The following ZNF407 variants were observed in gnomAD, a reference collection of about 807,000 sequenced individuals.
ZNF407 encodes zinc finger protein 407.
In ZNF407, 17 loss-of-function variants were observed where a neutral mutation model predicts 131.2. The ratio of observed to expected loss-of-function variants is 0.13; its 90% CI spans 0.09 to 0.19. The LOEUF (loss-of-function observed/expected upper bound fraction) is 0.19. ZNF407 is among the 10% of genes least tolerant of loss of function. ZNF407 has a pLI of 1.00. For missense variants in ZNF407, 2,681 were observed against 2,830.6 expected (o/e 0.95, Z 1.20); for synonymous variants, 1,156 against 1,062.0 (o/e 1.09, Z -1.72).
intron 4 of ZNF407, among the ~76,000 whole-genome samples, chr18:74,793,967 C>T (rs773344023): frequency 5.3e-5 from 8 of 152,202 alleles, no homozygotes; most frequent in Non-Finnish European, 1.0e-4. Context: ...AGGGCTTCAT[C>T]AAGCTCCCGC....
chr18:74,736,952 G>A (rs1473573473), intron 3 of ZNF407, among the ~76,000 whole-genome samples: 2 of 152,140 alleles, frequency 1.3e-5, no homozygotes, highest in Non-Finnish European at 2.9e-5. Flanking sequence ...AGCAGTGACT[G>A]TAATCTTTTG....
intron 4 of ZNF407, among the ~76,000 whole-genome samples, chr18:74,859,545 G>A (rs143249850): frequency 9.1e-4 from 138 of 152,314 alleles, no homozygotes; most frequent in African/African-American, 3.1e-3. Context: ...ATTTTTGTAG[G>A]AAAGTAGAAA....
intron 6 of ZNF407, among the ~76,000 whole-genome samples, chr18:74,887,238 T>G (rs1346991543): frequency 6.6e-6 from 1 of 152,076 alleles, no homozygotes; most frequent in East Asian, 1.9e-4. Flanking sequence ...TAAAAGTAAA[T>G]TTTTGTGTAA....
chr18:74,720,063 TGA>T (rs1418966834), intron 3 of ZNF407, among the ~76,000 whole-genome samples: 1 of 152,198 alleles, frequency 6.6e-6, no homozygotes, highest in African/African-American at 2.4e-5. Flanking sequence ...ATTTTTTTTT[TGA>T]AGAAGAAGAA....
At chr18:74,959,457 C>A (rs1568283337) in intron 8 of ZNF407, among the ~76,000 whole-genome samples, 1 of 152,180 alleles carries the variant, frequency 6.6e-6, no homozygotes, top group Non-Finnish European at 1.5e-5. Flanking sequence ...TTTTAACTTG[C>A]ATGCAACCAT....
chr18:75,002,211 T>C (rs1429897520), intron 8 of ZNF407, among the ~76,000 whole-genome samples: 1 of 152,384 alleles, frequency 6.6e-6, no homozygotes, highest in East Asian at 1.9e-4. Flanking sequence ...TTGTATAGTT[T>C]GACTGTTAGA....
intron 1 of ZNF407, among the ~76,000 whole-genome samples, chr18:74,606,029 G>A (rs1246779506): frequency 6.6e-6 from 1 of 152,202 alleles, no homozygotes; most frequent in Admixed American, 6.5e-5. Context: ...AAGAGGCCAT[G>A]GTTTCACGCC....
rs1162538348 is a variant in ZNF407 at position 74,633,991 on chromosome 18, A to G, written c.2972A>G (p.Gln991Arg). Residue 991 changes from glutamine to arginine, a missense_variant, in exon 2 of 9, where the codon CAA (glutamine) becomes CGA (arginine). Gln to Arg is a conservative substitution (Grantham distance 43). Around this residue, in one of 6 missense-constraint regions of ZNF407, gnomAD observed 1,789 missense variants for 1,748.7 expected, o/e 1.02. Transcript: ENST00000299687. Reference sequence around the variant, plus strand: ...AGCCATCTTCTTGATAAAAAGGAGCAAATATCTTCAGAGCCAGAGGACTTC... The same window carrying G: ...AGCCATCTTCTTGATAAAAAGGAGCGAATATCTTCAGAGCCAGAGGACTTC... ...VNSHLLDKKE[Q>R]ISSEPEDFAQ... The G allele has an allele frequency of 6.2e-7, 1 of 1,614,038 alleles. No individual in the cohort carries two copies. The highest frequency in any genetic ancestry group is 1.7e-5 in the Admixed American group (1 of 60,030).
At chr18:74,617,922 A>G (rs1983384785) in intron 1 of ZNF407, among the ~76,000 whole-genome samples, 1 of 152,014 alleles carries the variant, frequency 6.6e-6, no homozygotes, top group Non-Finnish European at 1.5e-5. Context: ...ATGCTTTTCT[A>G]TCTCCAGCAC....
chr18:74,607,335 C>T lies in ZNF407; in HGVS notation c.-54+9398C>T, dbSNP rs1054222445. Among the ~76,000 whole-genome samples the T allele has an allele frequency of 2.6e-5, 4 of 152,142 alleles. No individual in the cohort carries two copies. The East Asian group carries it at 7.7e-4, about 29-fold the overall frequency. On this transcript the variant is annotated intron_variant, in intron 1 of 8. Transcript: ENST00000299687. ...GTAGCCTCAGCATCACCTGATGTGG[C>T]GTTGATCTCTCAGGCCGCTTGTAAG... is the stretch of plus-strand genomic sequence containing the variant.
At chr18:74,814,752 T>C (rs961164816) in intron 4 of ZNF407, among the ~76,000 whole-genome samples, 5 of 152,196 alleles carry the variant, frequency 3.3e-5, no homozygotes, top group Non-Finnish European at 7.4e-5. Context: ...TAAAATTTTT[T>C]CTCATATAAT....
intron 3 of ZNF407, among the ~76,000 whole-genome samples, chr18:74,642,060 C>A (rs543441599): frequency 1.4e-4 from 22 of 151,840 alleles, no homozygotes; most frequent in African/African-American, 5.1e-4. Flanking sequence ...ATTGATAGTA[C>A]CATGTAAATA....
intron 3 of ZNF407, among the ~76,000 whole-genome samples, chr18:74,716,942 T>C (rs2144859628): frequency 6.6e-6 from 1 of 152,332 alleles, no homozygotes; most frequent in Non-Finnish European, 1.5e-5. Flanking sequence ...CGAACATTCA[T>C]AGAGAAACTG....
intron 8 of ZNF407, among the ~76,000 whole-genome samples, chr18:75,011,281 C>T (rs1008929713): frequency 5.3e-5 from 8 of 152,056 alleles, no homozygotes; most frequent in East Asian, 3.9e-4. Flanking sequence ...CCTTTCTCTG[C>T]GAATAAAAAG....
intron 4 of ZNF407, among the ~76,000 whole-genome samples, chr18:74,866,737 A>G (rs1447288210): frequency 9.3e-5 from 14 of 150,166 alleles, no homozygotes; most frequent in Non-Finnish European, 3.0e-5. Flanking sequence ...TGTTCGGTAG[A>G]AATATTATTT....
At chr18:74,796,171 G>A (rs1214809750) in intron 4 of ZNF407, among the ~76,000 whole-genome samples, 3 of 152,070 alleles carry the variant, frequency 2.0e-5, no homozygotes, top group South Asian at 2.1e-4. Flanking sequence ...TATTTTATTC[G>A]TTCTAGAGAA....
intron 8 of ZNF407, among the ~76,000 whole-genome samples, chr18:74,952,390 G>A (rs1172353610): frequency 6.6e-6 from 1 of 152,164 alleles, no homozygotes; most frequent in Admixed American, 6.5e-5. Context: ...TGGGCACAGG[G>A]AGTTTAGGAA....
intron 3 of ZNF407, among the ~76,000 whole-genome samples, chr18:74,657,836 A>ATTCCTCCCCATCCTCTCC (rs1360538009): frequency 6.7e-6 from 1 of 150,330 alleles, no homozygotes; most frequent in African/African-American, 2.4e-5. Context: ...TGTCCCTGGA[A>ATTCCTCCCCATCCTCTCC]TTCCTCCCCA....
intron 3 of ZNF407, among the ~76,000 whole-genome samples, chr18:74,665,431 T>A (rs1985891314): frequency 6.6e-6 from 1 of 152,174 alleles, no homozygotes; most frequent in Non-Finnish European, 1.5e-5. Flanking sequence ...AGGGAAGCGA[T>A]CACCTTCCTC....
Sources: gnomAD v4.1 joint callset for allele counts (sites outside exome capture counted in the v4.1 genomes callset) on GRCh38, gnomAD v4.1.1 for gene constraint, gnomAD v4.1.1 regional missense constraint, MANE v1.5 for transcripts, NCBI Gene and HGNC (gene_info 2026-07-23, HGNC 2026-07-21) for gene names.